EMC2: variants seen among roughly 807,000 people sequenced by gnomAD.
EMC2 encodes ER membrane protein complex subunit 2.
In EMC2, 37 loss-of-function variants were observed where a neutral mutation model predicts 51.6. The observed-to-expected ratio is 0.72, with a 90% CI of 0.55 to 0.94. EMC2 has a LOEUF of 0.94. Ranked by LOEUF, EMC2 falls within the 40% of genes least tolerant of loss-of-function variation. The pLI, the probability that EMC2 is intolerant of heterozygous loss-of-function variation, is 0.00. For synonymous variants in EMC2, 131 were observed against 112.4 expected (o/e 1.17, Z -1.04); for missense variants, 359 against 350.9 (o/e 1.02, Z -0.18).
At chr8:108,475,783 T>C in intron 7 of EMC2, 99 bp from the exon 8 acceptor site, 1 of 638,016 alleles carries the variant, frequency 1.6e-6, no homozygotes, top group South Asian at 1.9e-5. Context: ...GAATAAATTG[T>C]TTAACATGAC....
At chr8:108,482,346 G>C (rs1364788698) in intron 10 of EMC2, among the ~76,000 whole-genome samples, 2 of 152,092 alleles carry the variant, frequency 1.3e-5, no homozygotes, top group Non-Finnish European at 2.9e-5. Context: ...TTAGTTATAT[G>C]TATAAGCAAA....
chr8:108,480,260 T>G (rs1252242254), intron 10 of EMC2, among the ~76,000 whole-genome samples: 3 of 152,098 alleles, frequency 2.0e-5, no homozygotes, highest in Non-Finnish European at 4.4e-5. Context: ...ATTTTCTGTA[T>G]TTTATAAAAA....
chr8:108,465,068 C>A (rs1819435511), intron 5 of EMC2, among the ~76,000 whole-genome samples: 1 of 152,078 alleles, frequency 6.6e-6, no homozygotes, highest in Non-Finnish European at 1.5e-5. Flanking sequence ...ATCTCTTCCC[C>A]AGGTAGCCTA....
rs545932742 is a variant in EMC2, at chr8:108,453,559, A to G, written c.305+412A>G. ...AAGTTCAGTTTATCATTTTTTTTTT[A>G]ATGCTTAGTCATTCTTTTGTCCTGT... On this transcript the variant is annotated intron_variant, in intron 4 of 10. Coordinates refer to ENST00000220853, the MANE Select transcript of EMC2 (RefSeq NM_014673.5). Among the ~76,000 whole-genome samples the G allele has an allele frequency of 3.3e-5, 5 of 151,248 alleles. No individual in the cohort carries two copies. In the East Asian group the frequency reaches 9.7e-4, roughly 29 times the overall value.
rs1818972687 is a variant in EMC2, at chr8:108,449,835, A to G, written c.53A>G (p.Lys18Arg). Residue 18 changes from lysine (K) to arginine (R), a missense_variant, in exon 2 of 11, where the codon AAA (lysine) becomes AGA (arginine). Physicochemically the swap from Lys to Arg is conservative, Grantham distance 26. Transcript: ENST00000220853. ...TTATTTTTTTCAGAAATGAGAGATAAAATGAGAAAATGGAGAGAAGAAAAC... is the reference window on the plus strand; with the variant it reads ...TTATTTTTTTCAGAAATGAGAGATAGAATGAGAAAATGGAGAGAAGAAAAC... ...YDVTWEEMRDKMRKWREENSR... is the reference protein window; with the variant it reads ...YDVTWEEMRDRMRKWREENSR... 6.5e-7 allele frequency: 1 copy of G among 1,534,522 alleles called. No homozygotes were observed. The highest frequency in any genetic ancestry group is 9.0e-7 in the Non-Finnish European group (1 of 1,109,724).
chr8:108,450,968 G>A (rs1011803642), intron 3 of EMC2, among the ~76,000 whole-genome samples: 3 of 152,120 alleles, frequency 2.0e-5, no homozygotes, highest in Non-Finnish European at 4.4e-5. Flanking sequence ...TTGGGAGGCC[G>A]AGGCAGGCAG....
intron 5 of EMC2, among the ~76,000 whole-genome samples, chr8:108,459,074 T>C (rs1454638119): frequency 6.6e-6 from 1 of 152,206 alleles, no homozygotes; most frequent in Non-Finnish European, 1.5e-5. Context: ...TGCTAAAACA[T>C]AACGAGTCAC....
chr8:108,471,515 A>C (rs2130391752), intron 7 of EMC2, among the ~76,000 whole-genome samples: 1 of 151,972 alleles, frequency 6.6e-6, no homozygotes, highest in African/African-American at 2.4e-5. Context: ...TAAGTTAACT[A>C]TAGTTTGTTT....
rs1189078833 is a variant in EMC2, at chr8:108,486,556, T to C, written c.852T>C (p.Ala284=). Residue 284 remains alanine (A), a synonymous_variant, in exon 11 of 11, where the codon GCT becomes GCC. Transcript: ENST00000220853. The stretch of plus-strand genomic sequence containing the variant: ...AGGAAACCAAATATTCTCTTAAGGC[T>C]GTCGAAGACATGTTGGAAACATTGC... ...SKKETKYSLK[A]VEDMLETLQI... 6.2e-7 allele frequency: 1 copy of C among 1,605,614 alleles called. No individual in the cohort carries two copies. The highest frequency in any genetic ancestry group is 8.5e-7 in the Non-Finnish European group (1 of 1,176,694).
intron 1 of EMC2, among the ~76,000 whole-genome samples, chr8:108,444,175 C>T (rs72668936): frequency 0.036 from 5,525 of 152,274 alleles, 144 homozygotes; most frequent in Admixed American, 0.054. Flanking sequence ...TCTCATATGC[C>T]ACTCTACATT....
At chr8:108,472,397 C>CA (rs1337926692) in intron 7 of EMC2, among the ~76,000 whole-genome samples, 1 of 150,768 alleles carries the variant, frequency 6.6e-6, no homozygotes. Flanking sequence ...TGAGAAATCT[C>CA]AAAAAATGAA....
chr8:108,456,022 C>A, intron 5 of EMC2, 92 bp downstream of exon 5: 2 of 405,682 alleles, frequency 4.9e-6, no homozygotes, highest in South Asian at 5.6e-5. Context: ...GGAACTAGGT[C>A]TTATATTTTT....
chr8:108,469,420 T>C (rs1026281112), intron 5 of EMC2, among the ~76,000 whole-genome samples: 1 of 152,174 alleles, frequency 6.6e-6, no homozygotes, highest in African/African-American at 2.4e-5. Context: ...TATATAATGA[T>C]ATTCAAAGGC....
intron 3 of EMC2, among the ~76,000 whole-genome samples, chr8:108,450,831 T>C (rs1407346306): frequency 6.6e-6 from 1 of 152,216 alleles, no homozygotes; most frequent in Non-Finnish European, 1.5e-5. Flanking sequence ...CAGAATGTAA[T>C]GTTCAATACT....
At chr8:108,448,038 A>C (rs922583908) in intron 1 of EMC2, among the ~76,000 whole-genome samples, 1 of 152,182 alleles carries the variant, frequency 6.6e-6, no homozygotes, top group African/African-American at 2.4e-5. Flanking sequence ...AGCAGATGAA[A>C]ATACATGTAG....
At position 108,455,891 on chromosome 8, in the gene EMC2, G is replaced by A; in HGVS notation, c.324G>A (p.Gln108=). Residue 108 remains glutamine, a synonymous_variant, in exon 5 of 11, where the codon CAG becomes CAA. Coordinates refer to ENST00000220853, the MANE Select transcript of EMC2 (RefSeq NM_014673.5). ...EAMERYDDAI[Q]LYDRILQEDP... ...TAAATAGATATGATGATGCTATACAGCTATATGATAGGATTTTACAAGAAG... is the reference window on the plus strand; with the variant it reads ...TAAATAGATATGATGATGCTATACAACTATATGATAGGATTTTACAAGAAG... 2 of 1,325,816 alleles carry A rather than the reference G, an allele frequency of 1.5e-6. No homozygotes were observed. Among genetic ancestry groups the A allele is most frequent in the East Asian group, 2.6e-5 (1 of 38,112 alleles). The allele number at this position is 1,325,816 out of a possible 1,614,324, so 82.1% of individuals were successfully genotyped here.
rs1049311616 is a variant in EMC2 at position 108,488,910 on chromosome 8, A to G, written c.*2312A>G. ...TGAAATGAACAGAACCCTACTGAGAAGGGCTTTCCTTTCAAATTAAAAAAT... is the reference window on the plus strand; with the variant it reads ...TGAAATGAACAGAACCCTACTGAGAGGGGCTTTCCTTTCAAATTAAAAAAT... On this transcript the variant is annotated 3_prime_UTR_variant, in exon 11 of 11. Transcript: ENST00000220853. 6.6e-6 allele frequency among the ~76,000 whole-genome samples: 1 copy of G among 152,192 alleles called. No homozygotes were observed. Among genetic ancestry groups the G allele is most frequent in the Non-Finnish European group, 1.5e-5 (1 of 68,042 alleles).
intron 3 of EMC2, 36 bp downstream of exon 3, chr8:108,450,528 T>C (rs767223399): frequency 8.2e-7 from 1 of 1,220,728 alleles, no homozygotes; most frequent in Non-Finnish European, 1.2e-6. Context: ...TTAATTTGCT[T>C]CATCAATTGT....
chr8:108,469,804 C>T, intron 5 of EMC2, 22 bp from the exon 6 acceptor site: 1 of 1,605,116 alleles, frequency 6.2e-7, no homozygotes, highest in Non-Finnish European at 8.5e-7. Context: ...GGGCCTAATC[C>T]TTTATTAATG....
Sources: gnomAD v4.1 joint callset for allele counts (sites outside exome capture counted in the v4.1 genomes callset) on GRCh38, gnomAD v4.1.1 for gene constraint, MANE v1.5 for transcripts, NCBI Gene and HGNC (gene_info 2026-07-23, HGNC 2026-07-21) for gene names.